The following EPM2A variants were observed in gnomAD, a reference collection of about 807,000 sequenced individuals.
The protein encoded by EPM2A is EPM2A glucan phosphatase, laforin, also known as laforin.
In EPM2A, 21 loss-of-function variants were observed where a neutral mutation model predicts 26.5. That is an observed-to-expected ratio of 0.79 (90% confidence interval 0.56 to 1.14). The LOEUF (loss-of-function observed/expected upper bound fraction) is 1.14, where lower values mean the gene tolerates loss of function less well. EPM2A is among the 50% of genes most tolerant of loss of function. The pLI is 0.00. For missense variants in EPM2A, 458 were observed against 440.8 expected (o/e 1.04, Z -0.35); for synonymous variants, 217 against 177.6 (o/e 1.22, Z -1.76).
chr6:145,583,807 C>T (rs779233704), intron 2 of EPM2A, among the ~76,000 whole-genome samples: 8 of 152,370 alleles, frequency 5.3e-5, no homozygotes, highest in African/African-American at 9.6e-5. Flanking sequence ...TGCCTGTATC[C>T]GTGCACACAT....
chr6:145,615,420 A>AT (rs1775485279), intron 2 of EPM2A, among the ~76,000 whole-genome samples: 1 of 152,058 alleles, frequency 6.6e-6, no homozygotes, highest in African/African-American at 2.4e-5. Flanking sequence ...TCCTGTATAA[A>AT]TTACTCAGTC....
At chr6:145,620,771 A>C (rs955012623), downstream of EPM2A, among the ~76,000 whole-genome samples, 4 of 152,192 alleles carry the variant, frequency 2.6e-5, no homozygotes, top group East Asian at 7.7e-4. Context: ...TAGTTCATTT[A>C]ATAGTAATTG....
chr6:145,631,907 CT>C (rs1776290463), intron 3 of EPM2A: 1 of 151,086 alleles, frequency 6.6e-6, no homozygotes, highest in Admixed American at 6.7e-5. Flanking sequence ...ACACACTTTC[CT>C]TTCTTACTCC....
At chr6:145,524,849 G>A (rs1292432904) in intron 2 of EPM2A, among the ~76,000 whole-genome samples, 1 of 151,906 alleles carries the variant, frequency 6.6e-6, no homozygotes, top group Admixed American at 6.6e-5. Context: ...TCTGAAGGCA[G>A]GTGTCCAGAA....
chr6:145,453,272 T>C (rs141195008), intron 4 of EPM2A, among the ~76,000 whole-genome samples: 1,683 of 152,290 alleles, frequency 0.011, 10 homozygotes, highest in Middle Eastern at 0.02. Context: ...TAAAAAATAG[T>C]ACATGAGATT....
At chr6:145,711,195 G>A (rs556857726) in intron 1 of EPM2A, among the ~76,000 whole-genome samples, 1 of 152,280 alleles carries the variant, frequency 6.6e-6, no homozygotes, top group African/African-American at 2.4e-5. Flanking sequence ...CAAACCAGTT[G>A]ATTATCAAAA....
At chr6:145,623,839 C>T (rs1235154918), downstream of EPM2A, among the ~76,000 whole-genome samples, 4 of 152,090 alleles carry the variant, frequency 2.6e-5, no homozygotes. Flanking sequence ...AACACAGATG[C>T]TATAGATGCT....
At chr6:145,492,366 C>A (rs541626972) in intron 4 of EPM2A, among the ~76,000 whole-genome samples, 2 of 152,130 alleles carry the variant, frequency 1.3e-5, no homozygotes, top group African/African-American at 2.4e-5. Flanking sequence ...TCTAGGGTGG[C>A]GTACCTGCCA....
chr6:145,622,870 G>C (rs986412527), downstream of EPM2A, among the ~76,000 whole-genome samples: 1 of 152,226 alleles, frequency 6.6e-6, no homozygotes, highest in Non-Finnish European at 1.5e-5. Context: ...GATGTACTGT[G>C]AACAGAGATT....
intron 4 of EPM2A, among the ~76,000 whole-genome samples, chr6:145,395,053 T>C (rs1185265844): frequency 1.3e-5 from 2 of 152,134 alleles, no homozygotes; most frequent in Admixed American, 6.6e-5. Flanking sequence ...TTCTATTAAG[T>C]TTCACAGACA....
chr6:145,678,450 G>A (rs906425215), intron 2 of EPM2A, among the ~76,000 whole-genome samples: 2 of 152,160 alleles, frequency 1.3e-5, no homozygotes, highest in Admixed American at 1.3e-4. Flanking sequence ...ACCTCCATCA[G>A]AGTGAACAGG....
chr6:145,570,294 G>C (rs1400852176), intron 2 of EPM2A, among the ~76,000 whole-genome samples: 1 of 152,066 alleles, frequency 6.6e-6, no homozygotes, highest in African/African-American at 2.4e-5. Flanking sequence ...TACATCTCCT[G>C]AGATCATACA....
chr6:145,699,088 C>A (rs988157008), intron 1 of EPM2A, among the ~76,000 whole-genome samples: 3 of 152,070 alleles, frequency 2.0e-5, no homozygotes, highest in Non-Finnish European at 4.4e-5. Flanking sequence ...GCAAAATATT[C>A]CAATTTAATC....
intron 2 of EPM2A, among the ~76,000 whole-genome samples, chr6:145,570,085 T>G (rs1780934978): frequency 6.6e-6 from 1 of 152,168 alleles, no homozygotes; most frequent in South Asian, 2.1e-4. Context: ...ATATTCTAGC[T>G]GTGCTGGCAG....
At chr6:145,731,345 T>C (rs1461345601) in intron 1 of EPM2A, among the ~76,000 whole-genome samples, 3 of 152,108 alleles carry the variant, frequency 2.0e-5, no homozygotes, top group Admixed American at 6.5e-5. Flanking sequence ...ATATCCTTCA[T>C]TCATAAAAAT....
rs1780043939 is a variant in EPM2A at position 145,510,762 on chromosome 6, A to T, written c.341-8187T>A. The stretch of plus-strand genomic sequence containing the variant: ...TAGCAGAACAGAAACAACTAAAATT[A>T]GAGCAGAACTAAATGAAATTCAGAC... On this transcript the variant is annotated intron_variant, in intron 2 of 3. Coordinates refer to the EPM2A transcript ENST00000450221. Among the ~76,000 whole-genome samples, 3 of 152,326 alleles carry T rather than the reference A, an allele frequency of 2.0e-5. 1 individual carries two copies. The South Asian group carries it at 6.2e-4, about 32-fold the overall frequency.
chr6:145,717,283 T>C (rs1346665825), intron 1 of EPM2A, among the ~76,000 whole-genome samples: 1 of 152,212 alleles, frequency 6.6e-6, no homozygotes, highest in East Asian at 1.9e-4. Context: ...TCAAGTGGCC[T>C]TCATCCCTGG....
At chr6:145,499,049 G>A (rs395948), downstream of EPM2A, among the ~76,000 whole-genome samples, 68,443 of 151,736 alleles carry the variant, frequency 0.45, 15,446 homozygotes, top group South Asian at 0.58. Flanking sequence ...TCCGTTTTTG[G>A]CCCTTCCTGA....
intron 2 of EPM2A, among the ~76,000 whole-genome samples, chr6:145,618,284 CA>C (rs1001714568): frequency 2.0e-5 from 3 of 152,136 alleles, no homozygotes; most frequent in African/African-American, 7.2e-5. Flanking sequence ...CCCAAGGATA[CA>C]AAAGATTGTT....
Sources: allele counts gnomAD v4.1 joint callset (sites outside exome capture counted in the v4.1 genomes callset), GRCh38; gene constraint gnomAD v4.1.1; transcripts MANE v1.5; gene names NCBI Gene and HGNC (gene_info 2026-07-23, HGNC 2026-07-21).